The following ADAM10 variants were observed in gnomAD, a reference collection of about 807,000 sequenced individuals.
The protein encoded by ADAM10 is ADAM metallopeptidase domain 10, also known as disintegrin and metalloproteinase domain-containing protein 10.
In ADAM10, 17 loss-of-function variants were observed where a neutral mutation model predicts 90.1. The ratio of observed to expected loss-of-function variants is 0.19; its 90% CI spans 0.13 to 0.28. ADAM10 has a LOEUF of 0.28. Among genes scored for constraint, ADAM10 ranks in the 10% least tolerant of loss-of-function variants. The pLI is 1.00. For missense variants in ADAM10, 610 were observed against 914.3 expected (o/e 0.67, Z 4.29); for synonymous variants, 310 against 298.6 (o/e 1.04, Z -0.40).
Position 58,655,711 on chromosome 15 carries a change from GTATATATA to G in ADAM10, c.585+9378_585+9385del, listed in dbSNP as rs1174017303. Among the ~76,000 whole-genome samples, 150 of 53,712 alleles carry G rather than the reference GTATATATA, an allele frequency of 2.8e-3. 9 individuals are homozygous for G. Among genetic ancestry groups the G allele is most frequent in the Non-Finnish European group, 1.2e-3 (36 of 30,968 alleles). The allele number at this position is 53,712 out of a possible 152,430, so 35.2% of individuals were successfully genotyped here. ...ATTATATATAGTATATATATATATA[GTATATATA>G]TATATATATATATATATATATTCTT... On this transcript the variant is annotated intron_variant, in intron 5 of 15. Coordinates refer to ENST00000260408, the MANE Select transcript of ADAM10 (RefSeq NM_001110.4).
Position 58,652,629 on chromosome 15 carries a change from G to A in ADAM10, c.586-6425C>T, listed in dbSNP as rs527820998. On this transcript the variant is annotated intron_variant, in intron 5 of 15. Transcript: ENST00000260408. Reference sequence around the variant, plus strand: ...TTTCATGCCAGTACCATGTTGTTTGGTTACTATAGCGCTACAGTATAATCT... The same window carrying A: ...TTTCATGCCAGTACCATGTTGTTTGATTACTATAGCGCTACAGTATAATCT... 8.5e-5 allele frequency among the ~76,000 whole-genome samples: 13 copies of A among 152,204 alleles called. No homozygotes were observed. In the South Asian group the frequency reaches 2.7e-3, roughly 32 times the overall value.
chr15:58,707,084 G>T (rs2140799870), intron 2 of ADAM10, among the ~76,000 whole-genome samples: 1 of 50,450 alleles, frequency 2.0e-5, no homozygotes, highest in East Asian at 8.8e-4. Flanking sequence ...TAAACTTTGG[G>T]GGGGGGAAAA....
intron 5 of ADAM10, among the ~76,000 whole-genome samples, chr15:58,656,223 G>A (rs1237279532): frequency 6.6e-6 from 1 of 152,022 alleles, no homozygotes; most frequent in African/African-American, 2.4e-5. Context: ...TGTGTTTCTT[G>A]TATGCAATAG....
intron 3 of ADAM10, among the ~76,000 whole-genome samples, chr15:58,681,835 T>C (rs1646307488): frequency 6.6e-6 from 1 of 152,214 alleles, no homozygotes; most frequent in Non-Finnish European, 1.5e-5. Context: ...TCTTTACTGT[T>C]TCCTTTTAGA....
chr15:58,725,553 T>C (rs919618030), intron 1 of ADAM10, among the ~76,000 whole-genome samples: 2 of 150,622 alleles, frequency 1.3e-5, no homozygotes, highest in Non-Finnish European at 3.0e-5. Context: ...AAAATTAAAA[T>C]TAAAAATATA....
chr15:58,651,798 T>G (rs1341343554), intron 5 of ADAM10, among the ~76,000 whole-genome samples: 1 of 152,132 alleles, frequency 6.6e-6, no homozygotes, highest in Non-Finnish European at 1.5e-5. Context: ...GGTAGTTCTA[T>G]TTGTAGTTTT....
At chr15:58,692,599 A>G (rs758345277) in intron 2 of ADAM10, 2 of 556,536 alleles carry the variant, frequency 3.6e-6, no homozygotes. Flanking sequence ...CTTCTTCACT[A>G]CTTCTTTGAC....
chr15:58,731,571 T>C (rs1289747478), intron 1 of ADAM10, among the ~76,000 whole-genome samples: 1 of 151,976 alleles, frequency 6.6e-6, no homozygotes, highest in Non-Finnish European at 1.5e-5. Context: ...GAGGCTGGGG[T>C]TAGCCGTATT....
chr15:58,607,544 C>A (rs761597237), intron 14 of ADAM10, among the ~76,000 whole-genome samples: 6 of 152,180 alleles, frequency 3.9e-5, no homozygotes, highest in African/African-American at 7.2e-5. Flanking sequence ...TTCTGTTAAG[C>A]ATTTGGGAAA....
chr15:58,621,718 A>G (rs1895792873), intron 10 of ADAM10, 97 bp from the exon 11 acceptor site: 2 of 1,476,300 alleles, frequency 1.4e-6, no homozygotes, highest in Admixed American at 3.4e-5. Context: ...AAAGGGATAA[A>G]GGAAAACTTT....
intron 5 of ADAM10, among the ~76,000 whole-genome samples, chr15:58,657,888 G>GTTT (rs199921945): frequency 6.4e-5 from 9 of 141,468 alleles, no homozygotes; most frequent in African/African-American, 2.1e-4. Context: ...TGGGGTTTGT[G>GTTT]TTTTTTTTTT....
Position 58,610,344 on chromosome 15 carries a change from C to T in ADAM10, c.1978G>A (p.Ala660Thr). 6.2e-7 allele frequency: 1 copy of T among 1,614,096 alleles called. No individual in the cohort carries two copies. The highest frequency in any genetic ancestry group is 8.5e-7 in the Non-Finnish European group (1 of 1,180,006). Residue 660 changes from alanine (A) to threonine (T), a missense_variant, in exon 14 of 16, where the codon GCA (alanine) becomes ACA (threonine). Around this residue, in one of 4 missense-constraint regions of ADAM10, gnomAD observed 150 missense variants for 268.5 expected, o/e 0.56. Transcript: ENST00000260408. ...TCATAGAGCTCTGGACTAAAAATTG[C>T]TTTTTTAAGCCTAGCTAGAGGACCA... ...ADGPLARLKK[A>T]IFSPELYENI... is the part of the protein sequence containing the mutation.
In ADAM10 at chr15:58,627,191, T is replaced by C. The variant is rs112504141; in HGVS notation, c.1360+509A>G. Among the ~76,000 whole-genome samples the C allele has an allele frequency of 3.6e-3, 550 of 152,256 alleles. 5 individuals carry two copies. Among genetic ancestry groups the C allele is most frequent in the African/African-American group, 0.013 (529 of 41,554 alleles). ...CTTCCACAGAAGGGTATAAACTGTA[T>C]ACTTTCACTTATATGAAGACAAAGC... On this transcript the variant is annotated intron_variant, in intron 10 of 15. Coordinates refer to ENST00000260408, the MANE Select transcript of ADAM10 (RefSeq NM_001110.4).
intron 2 of ADAM10, among the ~76,000 whole-genome samples, chr15:58,702,610 A>C (rs1212395854): frequency 6.6e-6 from 1 of 152,240 alleles, no homozygotes; most frequent in Non-Finnish European, 1.5e-5. Context: ...AATTTTTTAA[A>C]ATAATTTTTA....
chr15:58,690,842 G>C (rs1376120524), intron 2 of ADAM10, among the ~76,000 whole-genome samples: 2 of 152,202 alleles, frequency 1.3e-5, no homozygotes, highest in Non-Finnish European at 2.9e-5. Flanking sequence ...AGCTAACCTA[G>C]CTTGATCATG....
chr15:58,599,346 C>A (rs910485866), intron 15 of ADAM10, among the ~76,000 whole-genome samples: 7 of 150,664 alleles, frequency 4.6e-5, no homozygotes, highest in Non-Finnish European at 1.0e-4. Flanking sequence ...AAAACAAATA[C>A]CAAGCAAAAT....
intron 2 of ADAM10, chr15:58,691,048 T>A (rs1388999022): frequency 1.7e-6 from 1 of 577,802 alleles, no homozygotes; most frequent in Non-Finnish European, 3.4e-6. Flanking sequence ...ATATAACCCA[T>A]CATAGAGTTG....
intron 9 of ADAM10, among the ~76,000 whole-genome samples, chr15:58,629,866 G>C (rs1269957023): frequency 1.3e-5 from 2 of 151,952 alleles, no homozygotes; most frequent in East Asian, 3.9e-4. Flanking sequence ...TTGGACTCAA[G>C]TCATCCTCCC....
chr15:58,721,775 C>T (rs1898862445), intron 1 of ADAM10, among the ~76,000 whole-genome samples: 1 of 152,168 alleles, frequency 6.6e-6, no homozygotes, highest in African/African-American at 2.4e-5. Flanking sequence ...CACCTGTAGT[C>T]CCAGCACTTT....
Sources: gnomAD v4.1 joint callset for allele counts (sites outside exome capture counted in the v4.1 genomes callset) on GRCh38, gnomAD v4.1.1 for gene constraint, gnomAD v4.1.1 regional missense constraint, MANE v1.5 for transcripts, NCBI Gene and HGNC (gene_info 2026-07-23, HGNC 2026-07-21) for gene names.